The following COL21A1 variants were observed in gnomAD, a reference collection of about 807,000 sequenced individuals.
COL21A1 encodes the protein collagen type XXI alpha 1 chain.
COL21A1 carries 149 observed loss-of-function variants against 137.9 expected under a neutral mutation model. That is an observed-to-expected ratio of 1.08 (90% CI 0.95 to 1.24). The LOEUF is 1.24. Ranked by LOEUF, COL21A1 falls within the 50% of genes most tolerant of loss-of-function variation. The pLI, the probability that COL21A1 is intolerant of heterozygous loss-of-function variation, is 0.00. For synonymous variants in COL21A1, 456 were observed against 391.5 expected, an observed-to-expected ratio of 1.16 and a Z score of -1.95; for missense variants, 1,167 against 1,158.4, an observed-to-expected ratio of 1.01 and a Z score of -0.11.
rs927532987 is a variant in COL21A1 at position 56,305,217 on chromosome 6, G to C, written c.-39+88754C>G. On this transcript the variant is annotated intron_variant, in intron 1 of 28. Coordinates refer to the COL21A1 transcript ENST00000370819. ...AGAAGAATGTATATTCTGTTGATTT[G>C]GGGTGGAGAGTTCTGTAGATGTCTA... Among the ~76,000 whole-genome samples, 8 of 152,244 alleles carry C rather than the reference G, an allele frequency of 5.3e-5. No homozygotes were observed. The South Asian group carries it at 8.3e-4, about 16-fold the overall frequency.
intron 1 of COL21A1, among the ~76,000 whole-genome samples, chr6:56,306,905 T>C (rs1764474421): frequency 6.6e-6 from 1 of 152,242 alleles, no homozygotes; most frequent in African/African-American, 2.4e-5. Context: ...GGTTTTGGTG[T>C]GGATGTCCTT....
intron 7 of COL21A1, among the ~76,000 whole-genome samples, chr6:56,165,459 T>G (rs1776501890): frequency 6.6e-6 from 1 of 152,182 alleles, no homozygotes; most frequent in African/African-American, 2.4e-5. Flanking sequence ...CTGTGCTTCA[T>G]CATATGGAAG....
rs142378047 is a variant in COL21A1, at chr6:56,381,058, G to A, written c.-39+12913C>T. ...CCATAGGAGCAATAGTTCAGCAGTC[G>A]CTAATTCAGGTTTCTCAGTGACTTT... is the stretch of plus-strand genomic sequence containing the variant. On this transcript the variant is annotated intron_variant, in intron 1 of 28. Coordinates refer to the COL21A1 transcript ENST00000370819. Among the ~76,000 whole-genome samples the A allele has an allele frequency of 9.5e-4, 145 of 151,972 alleles. 1 individual carries two copies. Among genetic ancestry groups the A allele is most frequent in the African/African-American group, 3.4e-3 (141 of 41,442 alleles).
chr6:56,250,148 T>C (rs1188081977), upstream of COL21A1, among the ~76,000 whole-genome samples: 1 of 152,190 alleles, frequency 6.6e-6, no homozygotes, highest in African/African-American at 2.4e-5. Flanking sequence ...ACATACATAC[T>C]TAGGGAAATA....
At chr6:56,374,647 G>A (rs112316751) in intron 1 of COL21A1, among the ~76,000 whole-genome samples, 20 of 150,566 alleles carry the variant, frequency 1.3e-4, no homozygotes, top group African/African-American at 4.6e-4. Context: ...TCTTGAACCC[G>A]GGAGGCGGAG....
At chr6:56,152,461 C>A (rs911812274) in intron 10 of COL21A1, among the ~76,000 whole-genome samples, 3 of 152,148 alleles carry the variant, frequency 2.0e-5, no homozygotes, top group African/African-American at 7.2e-5. Flanking sequence ...ATTCTTCCTA[C>A]CACAGTTGTG....
At chr6:56,102,969 T>G (rs910782654) in intron 16 of COL21A1, among the ~76,000 whole-genome samples, 29 of 152,158 alleles carry the variant, frequency 1.9e-4, no homozygotes, top group African/African-American at 7.0e-4. Flanking sequence ...TTGGATCCAC[T>G]TAGTTTGAAA....
At chr6:56,285,233 G>A (rs9370504) in intron 1 of COL21A1, among the ~76,000 whole-genome samples, 81,889 of 152,044 alleles carry the variant, frequency 0.54, 24,192 homozygotes, top group Non-Finnish European at 0.68. Context: ...AACTGGGCAC[G>A]GAATAAGACT....
chr6:56,156,897 T>C lies in COL21A1; in HGVS notation c.1424A>G (p.Asp475Gly). ...GCTTTCAGTACTCACAGGCTTACCA[T>C]CTTGACCAGGTTGTCCAGGGTAGCC... ...NPGYPGQPGQ[D>G]GKPGYQGIAG... is the part of the protein sequence containing the mutation. Residue 475 changes from aspartate (D) to glycine (G), a missense_variant, in exon 10 of 30, where the codon GAT becomes GGT. Coordinates refer to ENST00000244728, the MANE Select transcript of COL21A1 (RefSeq NM_030820.4). The C allele has an allele frequency of 6.2e-7, 1 of 1,612,058 alleles. No homozygotes were observed. Among genetic ancestry groups the C allele is most frequent in the Non-Finnish European group, 8.5e-7 (1 of 1,179,090 alleles).
At chr6:56,197,632 G>C (rs1779109856) in intron 1 of COL21A1, among the ~76,000 whole-genome samples, 1 of 152,016 alleles carries the variant, frequency 6.6e-6, no homozygotes. Flanking sequence ...CTAGTTATCA[G>C]GGAAATGCAA....
chr6:56,155,713 A>G (rs1775689256), intron 10 of COL21A1, among the ~76,000 whole-genome samples: 1 of 152,134 alleles, frequency 6.6e-6, no homozygotes, highest in Non-Finnish European at 1.5e-5. Context: ...CTTGTGCCTC[A>G]GCCTCTTAAG....
chr6:56,181,842 A>G (rs1294085434), intron 2 of COL21A1, among the ~76,000 whole-genome samples: 1 of 152,162 alleles, frequency 6.6e-6, no homozygotes, highest in Non-Finnish European at 1.5e-5. Context: ...CAAGAAAAAA[A>G]CAAAGGAAAG....
intron 1 of COL21A1, among the ~76,000 whole-genome samples, chr6:56,235,745 G>T (rs1314236797): frequency 1.3e-5 from 2 of 151,804 alleles, no homozygotes; most frequent in African/African-American, 4.8e-5. Context: ...TTGAATGAGG[G>T]AGATGATGGC....
At chr6:56,184,461 C>T in intron 1 of COL21A1, among the ~76,000 whole-genome samples, 1 of 151,922 alleles carries the variant, frequency 6.6e-6, no homozygotes, top group East Asian at 1.9e-4. Flanking sequence ...AGCAGAGACA[C>T]ATTAAAAATA....
chr6:56,137,740 G>C (rs1435877897), intron 12 of COL21A1, among the ~76,000 whole-genome samples: 4 of 150,870 alleles, frequency 2.7e-5, no homozygotes, highest in Admixed American at 6.6e-5. Flanking sequence ...ACAGAAAAAA[G>C]AGAAAACCAG....
At chr6:56,134,734 G>T (rs553985536) in intron 12 of COL21A1, among the ~76,000 whole-genome samples, 2 of 152,202 alleles carry the variant, frequency 1.3e-5, no homozygotes, top group Non-Finnish European at 2.9e-5. Context: ...TAGTGAATAA[G>T]TCTCGTGAGA....
intron 1 of COL21A1, among the ~76,000 whole-genome samples, chr6:56,354,578 T>C (rs1463079116): frequency 6.6e-6 from 1 of 152,114 alleles, no homozygotes; most frequent in Non-Finnish European, 1.5e-5. Context: ...GCATTAATGA[T>C]AATAAAAATA....
chr6:56,230,431 G>C (rs1255864984), intron 1 of COL21A1, among the ~76,000 whole-genome samples: 1 of 151,746 alleles, frequency 6.6e-6, no homozygotes, highest in Non-Finnish European at 1.5e-5. Flanking sequence ...AAAAAGTCAA[G>C]TTTCCAAAGT....
At chr6:56,136,106 T>G (rs1371796845) in intron 12 of COL21A1, among the ~76,000 whole-genome samples, 1 of 152,216 alleles carries the variant, frequency 6.6e-6, no homozygotes, top group African/African-American at 2.4e-5. Flanking sequence ...ATGGTAGTGA[T>G]TTAAAAGCCA....
Sources: gnomAD v4.1 joint callset for allele counts (sites outside exome capture counted in the v4.1 genomes callset) on GRCh38, gnomAD v4.1.1 for gene constraint, MANE v1.5 for transcripts, NCBI Gene and HGNC (gene_info 2026-07-23, HGNC 2026-07-21) for gene names.